NEDD9: variants seen among roughly 807,000 people sequenced by gnomAD.
NEDD9 encodes the protein neural precursor cell expressed, developmentally down-regulated 9.
NEDD9 carries 26 observed loss-of-function variants against 76.6 expected under a neutral mutation model. The ratio of observed to expected loss-of-function variants is 0.34; its 90% confidence interval spans 0.25 to 0.47. The LOEUF (loss-of-function observed/expected upper bound fraction) is 0.47, where lower values mean the gene tolerates loss of function less well. Ranked by LOEUF, NEDD9 falls within the 20% of genes least tolerant of loss-of-function variation. The pLI, the probability that NEDD9 is intolerant of heterozygous loss-of-function variation, is 1.00. For missense variants in NEDD9, 937 were observed against 1,058.5 expected (o/e 0.89, Z 1.59); for synonymous variants, 392 against 414.2 (o/e 0.95, Z 0.65).
At chr6:11,286,963 A>G (rs774392007) in intron 3 of NEDD9, among the ~76,000 whole-genome samples, 26 of 152,176 alleles carry the variant, frequency 1.7e-4, no homozygotes, top group Admixed American at 1.4e-3. Context: ...CTTTAATTGG[A>G]GGCTTCTCTA....
chr6:11,213,236 A>G lies in NEDD9; in HGVS notation c.459+45T>C. On this transcript the variant is annotated intron_variant, in intron 2 of 6. Coordinates refer to ENST00000379446, the MANE Select transcript of NEDD9 (RefSeq NM_006403.4). The surrounding 1 kb of genome is among the most constrained non-coding windows in gnomAD (Gnocchi z 5.4). ...TCCAAATGCTCCAAGTGTAATGGGA[A>G]AAAAAAATAAGTAGGAACAAAAATT... 2.0e-6 allele frequency: 3 copies of G among 1,519,902 alleles called. No homozygotes were observed. Among genetic ancestry groups the G allele is most frequent in the Middle Eastern group, 1.8e-4 (1 of 5,650 alleles). The allele number at this position is 1,519,902 out of a possible 1,614,324, so 94.2% of individuals were successfully genotyped here. A position where few individuals can be genotyped will look rare whatever the true frequency, so the allele number is the denominator to read the frequency against.
intron 1 of NEDD9, among the ~76,000 whole-genome samples, chr6:11,354,577 C>T (rs1762531447): frequency 6.6e-6 from 1 of 152,168 alleles, no homozygotes; most frequent in Non-Finnish European, 1.5e-5. Flanking sequence ...ATCAGTTGGT[C>T]AGCCCTCTTG....
chr6:11,374,683 T>C (rs1057213413), intron 1 of NEDD9, among the ~76,000 whole-genome samples: 13 of 152,342 alleles, frequency 8.5e-5, no homozygotes, highest in African/African-American at 3.1e-4. Context: ...GAGCACTATA[T>C]GAAATTTGGT....
At chr6:11,298,206 C>G (rs1760949136) in intron 3 of NEDD9, among the ~76,000 whole-genome samples, 1 of 152,154 alleles carries the variant, frequency 6.6e-6, no homozygotes, top group Admixed American at 6.6e-5. Context: ...CTGCACCCAG[C>G]CCCAGTCCAT....
At chr6:11,347,995 T>G (rs959795588) in intron 1 of NEDD9, among the ~76,000 whole-genome samples, 4 of 152,118 alleles carry the variant, frequency 2.6e-5, no homozygotes, top group Non-Finnish European at 5.9e-5. Flanking sequence ...AGAGAGGAAG[T>G]CTATCTCTGT....
At chr6:11,236,594 C>T (rs540880197), upstream of NEDD9, among the ~76,000 whole-genome samples, 17 of 152,302 alleles carry the variant, frequency 1.1e-4, no homozygotes, top group East Asian at 1.2e-3. This position sits in a 1 kb window ranked among gnomAD's most constrained non-coding sequence, Gnocchi z 5.5. Context: ...AGCTGTCTGT[C>T]GCTCAGAGAG....
Position 11,248,893 on chromosome 6 carries a change from C to T in NEDD9, c.13-35166G>A, listed in dbSNP as rs144205285. On this transcript the variant is annotated intron_variant, in intron 3 of 3. Coordinates refer to the NEDD9 transcript ENST00000397378. ...GATGAAGTGTCAGCTGTCTCCTTTG[C>T]CAGCTACCTGCCCTCTCCTCCATCT... 616 of 338,858 alleles carry T rather than the reference C, an allele frequency of 1.8e-3. 8 individuals carry two copies. The highest frequency in any genetic ancestry group is 0.012 in the African/African-American group (572 of 46,690). The allele number at this position is 338,858 out of a possible 1,614,324, so 21.0% of individuals were successfully genotyped here.
chr6:11,257,810 T>TGTGTGTGTGC (rs1340885962), intron 3 of NEDD9, among the ~76,000 whole-genome samples: 10 of 151,406 alleles, frequency 6.6e-5, no homozygotes, highest in African/African-American at 2.4e-4. Flanking sequence ...TGTGTGTGTG[T>TGTGTGTGTGC]GCAGTACGGC....
upstream of NEDD9, chr6:11,232,814 C>T: frequency 1.1e-6 from 1 of 918,224 alleles, no homozygotes; most frequent in Non-Finnish European, 1.5e-6. Context: ...GTGATCGCTT[C>T]TTTTTGCTTT....
intron 3 of NEDD9, among the ~76,000 whole-genome samples, chr6:11,261,380 A>C (rs1760110815): frequency 6.6e-6 from 1 of 152,188 alleles, no homozygotes; most frequent in Non-Finnish European, 1.5e-5. Flanking sequence ...ATTAGAACCT[A>C]TGTCTTTGCA....
intron 1 of NEDD9, among the ~76,000 whole-genome samples, chr6:11,343,311 C>T (rs6926510): frequency 0.02 from 3,013 of 152,110 alleles, 115 homozygotes; most frequent in East Asian, 0.15. Context: ...CGCCTGTAAT[C>T]CCAGCTACTC....
chr6:11,214,493 A>G lies in NEDD9; in HGVS notation c.13-766T>C, dbSNP rs529009231. The stretch of plus-strand genomic sequence containing the variant: ...TTTCGTCACCTACTTCTTGAATCTC[A>G]CCATTCACATCAGAAAAGCTGTGCC... On this transcript the variant is annotated intron_variant, in intron 1 of 6. Transcript: ENST00000379446. 3.3e-5 allele frequency among the ~76,000 whole-genome samples: 5 copies of G among 152,192 alleles called. 1 individual carries two copies. The highest frequency in any genetic ancestry group is 1.2e-4 in the African/African-American group (5 of 41,500).
chr6:11,341,408 C>G (rs1235738137), intron 1 of NEDD9, among the ~76,000 whole-genome samples: 1 of 152,138 alleles, frequency 6.6e-6, no homozygotes, highest in Non-Finnish European at 1.5e-5. Flanking sequence ...AGACAAAGCC[C>G]TAGAAGTCCT....
At chr6:11,341,374 C>T (rs1335327319) in intron 1 of NEDD9, among the ~76,000 whole-genome samples, 2 of 152,114 alleles carry the variant, frequency 1.3e-5, no homozygotes, top group Non-Finnish European at 2.9e-5. Flanking sequence ...TCTGAGGCAA[C>T]TGAAATAGCT....
At chr6:11,376,543 C>T (rs1420636167) in intron 1 of NEDD9, among the ~76,000 whole-genome samples, 1 of 152,164 alleles carries the variant, frequency 6.6e-6, no homozygotes, top group Non-Finnish European at 1.5e-5. Context: ...AGTGATGACC[C>T]AGGCTACCTA....
At chr6:11,331,496 A>AT (rs1762037697) in intron 2 of NEDD9, among the ~76,000 whole-genome samples, 2 of 152,260 alleles carry the variant, frequency 1.3e-5, no homozygotes, top group East Asian at 3.9e-4. Flanking sequence ...TGACTTAAGA[A>AT]TTTTTTATCC....
intron 2 of NEDD9, chr6:11,200,600 A>G: frequency 1.8e-6 from 2 of 1,093,472 alleles, no homozygotes; most frequent in Non-Finnish European, 2.2e-6. Flanking sequence ...GGATCAAATC[A>G]TGGGAGAAAT....
chr6:11,237,288 C>T (rs1233659906), upstream of NEDD9, among the ~76,000 whole-genome samples: 1 of 152,170 alleles, frequency 6.6e-6, no homozygotes, highest in Non-Finnish European at 1.5e-5. The surrounding 1 kb of genome is among the most constrained non-coding windows in gnomAD (Gnocchi z 4.9). Context: ...TCATCTGTGT[C>T]CCCTGTCCTG....
At chr6:11,327,579 A>G (rs1419800905) in intron 2 of NEDD9, among the ~76,000 whole-genome samples, 4 of 152,208 alleles carry the variant, frequency 2.6e-5, no homozygotes, top group Non-Finnish European at 5.9e-5. Flanking sequence ...GTTGGTTTAT[A>G]TCCAGTTCTA....
Sources: allele counts gnomAD v4.1 joint callset (sites outside exome capture counted in the v4.1 genomes callset), GRCh38; gene constraint gnomAD v4.1.1; non-coding constraint Gnocchi (gnomAD v3.1); transcripts MANE v1.5; gene names NCBI Gene and HGNC (gene_info 2026-07-23, HGNC 2026-07-21).